The following ASAP1 variants were observed in gnomAD, a reference collection of about 807,000 sequenced individuals.
ASAP1 encodes ArfGAP with SH3 domain, ankyrin repeat and PH domain 1, also known as arf-GAP with SH3 domain, ANK repeat and PH domain-containing protein 1.
ASAP1 carries 43 observed loss-of-function variants against 145.2 expected under a neutral mutation model. The observed-to-expected ratio is 0.30, with a 90% CI of 0.23 to 0.38. ASAP1 has a LOEUF of 0.38. ASAP1 is among the 10% of genes least tolerant of loss of function. The pLI is 1.00. For missense variants in ASAP1, 1,018 were observed against 1,355.3 expected (o/e 0.75, Z 3.91); for synonymous variants, 546 against 515.5 (o/e 1.06, Z -0.80).
At chr8:130,443,220 C>T (rs565415233) in intron 1 of ASAP1, among the ~76,000 whole-genome samples, 10 of 151,776 alleles carry the variant, frequency 6.6e-5, no homozygotes, top group African/African-American at 2.2e-4. Flanking sequence ...AGACCTCCCC[C>T]CCCCACCGGG....
chr8:130,143,704 G>T (rs1304013819), intron 13 of ASAP1, among the ~76,000 whole-genome samples: 2 of 152,168 alleles, frequency 1.3e-5, no homozygotes, highest in Non-Finnish European at 2.9e-5. Flanking sequence ...TGCAGAAACA[G>T]AATGAGTCAA....
intron 3 of ASAP1, among the ~76,000 whole-genome samples, chr8:130,316,013 C>T (rs574328091): frequency 6.6e-6 from 1 of 152,166 alleles, no homozygotes; most frequent in Admixed American, 6.5e-5. Context: ...CTGCAGAGGA[C>T]CAACTCATCA....
rs376180853 is a variant in ASAP1 at position 130,278,645 on chromosome 8, A to T, written c.187-41651T>A. On this transcript the variant is annotated intron_variant, in intron 3 of 29. Transcript: ENST00000518721. ...AAATATTGGACTGGGACATACGATAAAACAGTCGAGAGACATTGGACGAAA... is the reference window on the plus strand; with the variant it reads ...AAATATTGGACTGGGACATACGATATAACAGTCGAGAGACATTGGACGAAA... 3.3e-5 allele frequency among the ~76,000 whole-genome samples: 5 copies of T among 152,300 alleles called. No individual in the cohort carries two copies. In the South Asian group the frequency reaches 6.2e-4, roughly 19 times the overall value.
intron 3 of ASAP1, among the ~76,000 whole-genome samples, chr8:130,237,236 T>C (rs983844782): frequency 6.6e-5 from 10 of 152,068 alleles, no homozygotes; most frequent in African/African-American, 2.4e-4. Context: ...TTTTAGTCAG[T>C]CAATTATCAT....
intron 3 of ASAP1, among the ~76,000 whole-genome samples, chr8:130,272,530 T>C (rs1172359515): frequency 6.6e-6 from 1 of 152,152 alleles, no homozygotes; most frequent in African/African-American, 2.4e-5. Flanking sequence ...AATCAGTATA[T>C]AAAAGGGATG....
intron 3 of ASAP1, among the ~76,000 whole-genome samples, chr8:130,270,696 A>T (rs1820534080): frequency 6.6e-6 from 1 of 152,214 alleles, no homozygotes; most frequent in Admixed American, 6.5e-5. Flanking sequence ...AACAAACAAA[A>T]TCTATCCTAA....
intron 18 of ASAP1, among the ~76,000 whole-genome samples, chr8:130,119,387 C>T (rs1467904383): frequency 6.6e-6 from 1 of 152,188 alleles, no homozygotes; most frequent in Admixed American, 6.5e-5. Flanking sequence ...AGCAGGAGAC[C>T]ACATGGATAA....
At chr8:130,385,346 A>T (rs1827963126) in intron 2 of ASAP1, among the ~76,000 whole-genome samples, 1 of 152,132 alleles carries the variant, frequency 6.6e-6, no homozygotes, top group African/African-American at 2.4e-5. Flanking sequence ...CAGAACAGAG[A>T]CTTGAGTGTG....
chr8:130,238,046 C>A (rs1007188749), intron 3 of ASAP1, among the ~76,000 whole-genome samples: 1 of 152,112 alleles, frequency 6.6e-6, no homozygotes, highest in Non-Finnish European at 1.5e-5. Flanking sequence ...CTGAAGCCCA[C>A]AGAGGCTAAG....
intron 3 of ASAP1, among the ~76,000 whole-genome samples, chr8:130,264,709 A>G (rs1029083265): frequency 6.6e-6 from 1 of 152,182 alleles, no homozygotes; most frequent in Non-Finnish European, 1.5e-5. Flanking sequence ...TCCTCAACCC[A>G]TGAATATGAA....
intron 1 of ASAP1, among the ~76,000 whole-genome samples, chr8:130,402,569 G>C (rs1828844183): frequency 6.6e-6 from 1 of 152,116 alleles, no homozygotes; most frequent in Admixed American, 6.6e-5. Context: ...AGAATAGAGG[G>C]AAACAGAGGT....
intron 1 of ASAP1, among the ~76,000 whole-genome samples, chr8:130,410,573 T>C (rs1201861703): frequency 2.0e-5 from 3 of 152,242 alleles, no homozygotes; most frequent in South Asian, 4.1e-4. Context: ...AGTGCAAGTG[T>C]GGAATGTGAA....
chr8:130,306,063 C>T (rs1232696796), intron 3 of ASAP1, among the ~76,000 whole-genome samples: 3 of 152,256 alleles, frequency 2.0e-5, no homozygotes, highest in Non-Finnish European at 4.4e-5. Context: ...AGTCCTCAGT[C>T]CAAATTTATT....
At chr8:130,393,219 A>G (rs1001097028) in intron 2 of ASAP1, among the ~76,000 whole-genome samples, 9 of 152,158 alleles carry the variant, frequency 5.9e-5, no homozygotes, top group African/African-American at 1.7e-4. Flanking sequence ...TCTTTGTGCA[A>G]GGGCTGTTTG....
At position 130,303,574 on chromosome 8, in the gene ASAP1, A is replaced by G. The variant is rs971934082; in HGVS notation, c.186+54443T>C. Among the ~76,000 whole-genome samples, 24 of 152,268 alleles carry G rather than the reference A, an allele frequency of 1.6e-4. No individual in the cohort carries two copies. In the Middle Eastern group the frequency reaches 0.014, roughly 86 times the overall value. ...TTCTGGACAATGGAATATTATTTTT[A>G]TATTATTATATAAAAAGAAATGACC... On this transcript the variant is annotated intron_variant, in intron 3 of 29. Coordinates refer to ENST00000518721, the MANE Select transcript of ASAP1 (RefSeq NM_018482.4).
At chr8:130,112,045 T>C in intron 24 of ASAP1, 49 bp downstream of exon 24, 1 of 1,534,284 alleles carries the variant, frequency 6.5e-7, no homozygotes, top group Non-Finnish European at 9.0e-7. Flanking sequence ...GAGGATGGAG[T>C]CACAAGCCCT....
intron 5 of ASAP1, among the ~76,000 whole-genome samples, chr8:130,198,326 T>C (rs969897985): frequency 5.9e-5 from 9 of 152,100 alleles, no homozygotes; most frequent in African/African-American, 2.2e-4. Flanking sequence ...GGTTTCGTCA[T>C]GTTGAATCAT....
intron 9 of ASAP1, among the ~76,000 whole-genome samples, chr8:130,173,259 G>A (rs1033143106): frequency 6.6e-6 from 1 of 152,222 alleles, no homozygotes; most frequent in African/African-American, 2.4e-5. Flanking sequence ...CATTAGCAAT[G>A]TATCAGTGAC....
At chr8:130,218,094 G>A (rs1817046831) in intron 4 of ASAP1, among the ~76,000 whole-genome samples, 1 of 151,930 alleles carries the variant, frequency 6.6e-6, no homozygotes, top group Non-Finnish European at 1.5e-5. Flanking sequence ...GGCCACACGA[G>A]CTCAACCGAG....
Sources: gnomAD v4.1 joint callset for allele counts (sites outside exome capture counted in the v4.1 genomes callset) on GRCh38, gnomAD v4.1.1 for gene constraint, MANE v1.5 for transcripts, NCBI Gene and HGNC (gene_info 2026-07-23, HGNC 2026-07-21) for gene names.